CELF4: variants seen among roughly 807,000 people sequenced by gnomAD.
CELF4 encodes the protein CUGBP Elav-like family member 4.
In CELF4, 18 loss-of-function variants were observed where a neutral mutation model predicts 59.9. That is an observed-to-expected ratio of 0.30 (90% confidence interval 0.21 to 0.45). CELF4 has a LOEUF of 0.45. Among genes scored for constraint, CELF4 ranks in the 20% least tolerant of loss-of-function variants. The pLI is 1.00. For missense variants in CELF4, 456 were observed against 689.0 expected (o/e 0.66, Z 3.79); for synonymous variants, 261 against 267.1 (o/e 0.98, Z 0.22).
chr18:37,299,157 T>G (rs368288019), intron 3 of CELF4, among the ~76,000 whole-genome samples: 222 of 152,186 alleles, frequency 1.5e-3, no homozygotes, highest in African/African-American at 5.0e-3. Context: ...AGGCCCCCAC[T>G]CAGTCACCGC....
chr18:37,435,805 G>A (rs1196802407), intron 2 of CELF4, among the ~76,000 whole-genome samples: 1 of 152,204 alleles, frequency 6.6e-6, no homozygotes, highest in Non-Finnish European at 1.5e-5. Flanking sequence ...CTTCCAGAGA[G>A]GGTCAGAGCC....
At chr18:37,332,586 G>C (rs926914007) in intron 2 of CELF4, among the ~76,000 whole-genome samples, 3 of 152,114 alleles carry the variant, frequency 2.0e-5, no homozygotes, top group Non-Finnish European at 4.4e-5. Flanking sequence ...GCAGGGCTGG[G>C]TTGGCACAAA....
chr18:37,559,160 G>T (rs1250445410), intron 1 of CELF4, among the ~76,000 whole-genome samples: 1 of 152,116 alleles, frequency 6.6e-6, no homozygotes, highest in African/African-American at 2.4e-5. Context: ...TGTATGTAAT[G>T]ATGAGGACAG....
intron 1 of CELF4, among the ~76,000 whole-genome samples, chr18:37,554,094 G>A (rs574776282): frequency 7.2e-5 from 11 of 152,312 alleles, no homozygotes; most frequent in Admixed American, 2.6e-4. Flanking sequence ...CACTTTGGGC[G>A]GATGACTGAA....
chr18:37,424,147 C>G (rs542936390), intron 2 of CELF4, among the ~76,000 whole-genome samples: 14 of 152,288 alleles, frequency 9.2e-5, no homozygotes, highest in African/African-American at 3.1e-4. Flanking sequence ...GCTCCCTTCT[C>G]TAATATGTGG....
At chr18:37,290,543 C>T (rs770046497) in intron 3 of CELF4, among the ~76,000 whole-genome samples, 1 of 152,148 alleles carries the variant, frequency 6.6e-6, no homozygotes, top group African/African-American at 2.4e-5. Flanking sequence ...GCAGCGGGAG[C>T]TTGAGCAGGA....
chr18:37,443,407 C>G (rs1009571315), intron 2 of CELF4, among the ~76,000 whole-genome samples: 1 of 152,108 alleles, frequency 6.6e-6, no homozygotes, highest in African/African-American at 2.4e-5. Flanking sequence ...CTAGCACACT[C>G]CCTCTGCATA....
rs974603984 is a variant in CELF4 at position 37,345,826 on chromosome 18, C to T, written c.370-23945G>A. ...CTGAGGCTGAGGTCTCTCCAGTCTC[C>T]TGGGTCTCTCCTGCATACCTTAGCA... On this transcript the variant is annotated intron_variant, in intron 2 of 12. Coordinates refer to ENST00000420428, the MANE Select transcript of CELF4 (RefSeq NM_020180.4). 3.9e-5 allele frequency among the ~76,000 whole-genome samples: 6 copies of T among 152,202 alleles called. No individual in the cohort carries two copies. The South Asian group carries it at 1.0e-3, about 26-fold the overall frequency.
intron 2 of CELF4, among the ~76,000 whole-genome samples, chr18:37,457,942 C>T (rs1412004802): frequency 6.6e-6 from 1 of 152,146 alleles, no homozygotes; most frequent in East Asian, 1.9e-4. Context: ...ATGTCTATCA[C>T]CAGGGAGAGG....
At chr18:37,328,167 G>T (rs1246221205) in intron 2 of CELF4, among the ~76,000 whole-genome samples, 1 of 152,216 alleles carries the variant, frequency 6.6e-6, no homozygotes, top group Non-Finnish European at 1.5e-5. Context: ...CCTGGAGTAC[G>T]TGTGTGCAAC....
chr18:37,267,184 T>C (rs1435069965), intron 8 of CELF4, among the ~76,000 whole-genome samples: 1 of 152,072 alleles, frequency 6.6e-6, no homozygotes, highest in Non-Finnish European at 1.5e-5. Flanking sequence ...GCTACGCAAA[T>C]AGGGTCTTCC....
chr18:37,343,329 C>CTG (rs5824051), intron 2 of CELF4, among the ~76,000 whole-genome samples: 18,854 of 126,848 alleles, frequency 0.15, 1,511 homozygotes, highest in South Asian at 0.19. Flanking sequence ...GGTGTTGATT[C>CTG]TGTGTGTGTG....
intron 3 of CELF4, among the ~76,000 whole-genome samples, chr18:37,282,895 G>A (rs916446504): frequency 6.6e-6 from 1 of 152,208 alleles, no homozygotes; most frequent in Non-Finnish European, 1.5e-5. Flanking sequence ...CACTGTGCTA[G>A]AGCCAGCTGG....
intron 1 of CELF4, among the ~76,000 whole-genome samples, chr18:37,530,937 G>C (rs1204267029): frequency 6.6e-6 from 1 of 152,056 alleles, no homozygotes; most frequent in East Asian, 1.9e-4. Flanking sequence ...ATCTGGTCCA[G>C]GTCGTGGAAC....
intron 2 of CELF4, among the ~76,000 whole-genome samples, chr18:37,379,231 A>G (rs1412952322): frequency 6.6e-6 from 1 of 152,172 alleles, no homozygotes; most frequent in Non-Finnish European, 1.5e-5. Context: ...GATAAACAGT[A>G]AACTCCCTAA....
chr18:37,538,483 C>T (rs947173251), intron 1 of CELF4, among the ~76,000 whole-genome samples: 9 of 152,184 alleles, frequency 5.9e-5, no homozygotes, highest in African/African-American at 2.2e-4. Context: ...GGCAGAGGCT[C>T]CTTCCTCCCT....
intron 1 of CELF4, among the ~76,000 whole-genome samples, chr18:37,532,214 A>C (rs1321574365): frequency 1.3e-5 from 2 of 152,236 alleles, no homozygotes; most frequent in Non-Finnish European, 2.9e-5. Context: ...CAAGGCCAAG[A>C]TCGAAGGACA....
chr18:37,301,771 A>T (rs559071341), intron 3 of CELF4, among the ~76,000 whole-genome samples: 12 of 152,302 alleles, frequency 7.9e-5, no homozygotes, highest in African/African-American at 2.6e-4. Context: ...CTAATGGCTC[A>T]TTGAGTGGCT....
intron 2 of CELF4, among the ~76,000 whole-genome samples, chr18:37,383,668 T>A (rs1038228828): frequency 3.3e-5 from 5 of 152,154 alleles, no homozygotes; most frequent in African/African-American, 1.2e-4. Context: ...CACGTCCACA[T>A]CTCGTTTGAT....
Sources: gnomAD v4.1 joint callset for allele counts (sites outside exome capture counted in the v4.1 genomes callset) on GRCh38, gnomAD v4.1.1 for gene constraint, MANE v1.5 for transcripts, NCBI Gene and HGNC (gene_info 2026-07-23, HGNC 2026-07-21) for gene names.